Variants in SLCO5A1 observed in about 807,000 individuals in gnomAD.
SLCO5A1 encodes the protein solute carrier organic anion transporter family member 5A1.
A neutral mutation model predicts 65.1 loss-of-function variants in SLCO5A1; 39 were observed. The ratio of observed to expected loss-of-function variants is 0.60; its 90% CI spans 0.46 to 0.78. The LOEUF (loss-of-function observed/expected upper bound fraction) is 0.78, where lower values mean the gene tolerates loss of function less well. Among genes scored for constraint, SLCO5A1 ranks in the 30% least tolerant of loss-of-function variants. The pLI is 0.00. For missense variants in SLCO5A1, 1,029 were observed against 1,069.4 expected, an observed-to-expected ratio of 0.96 and a Z score of 0.53; for synonymous variants, 438 against 415.7, an observed-to-expected ratio of 1.05 and a Z score of -0.65.
intron 2 of SLCO5A1, among the ~76,000 whole-genome samples, chr8:69,775,391 C>T (rs1227324670): frequency 6.6e-6 from 1 of 152,088 alleles, no homozygotes; most frequent in Non-Finnish European, 1.5e-5. Context: ...TTTAAAACAA[C>T]AGATTGGCAC....
chr8:69,673,104 C>G lies in SLCO5A1; in HGVS notation c.2312G>C (p.Arg771Thr). The G allele has an allele frequency of 6.2e-7, 1 of 1,614,236 alleles. No individual in the cohort carries two copies. The highest frequency in any genetic ancestry group is 1.1e-5 in the South Asian group (1 of 91,088). Residue 771 changes from arginine (R) to threonine (T), a missense_variant, in exon 10 of 10, where the codon AGG becomes ACG. Arg to Thr is a moderately conservative substitution (Grantham distance 71). This residue lies in a region of SLCO5A1 where 258 missense variants were observed against 237.4 expected (regional missense o/e 1.09). Coordinates refer to ENST00000260126, the MANE Select transcript of SLCO5A1 (RefSeq NM_030958.3). ...GGTGCTCAGGGGAAATTCTCTCTGC[C>G]TCCGCCTCTGCAGTCCATCCTCCTT... ...KYKEDGLQRR[R>T]QREFPLSTVS...
intron 4 of SLCO5A1, among the ~76,000 whole-genome samples, chr8:69,740,868 T>C (rs1275759633): frequency 6.6e-6 from 1 of 152,198 alleles, no homozygotes; most frequent in Non-Finnish European, 1.5e-5. Context: ...AGCAAAAATC[T>C]AATAGGAATG....
At chr8:69,701,357 T>C (rs1248373191) in intron 6 of SLCO5A1, among the ~76,000 whole-genome samples, 20 of 152,186 alleles carry the variant, frequency 1.3e-4, no homozygotes. Context: ...CTATTTAAAA[T>C]TTAACCTGAG....
intron 4 of SLCO5A1, among the ~76,000 whole-genome samples, chr8:69,749,238 C>T (rs1817169317): frequency 6.6e-6 from 1 of 152,170 alleles, no homozygotes; most frequent in African/African-American, 2.4e-5. Flanking sequence ...CAACTAGTTC[C>T]TCTCCCCATT....
intron 4 of SLCO5A1, among the ~76,000 whole-genome samples, chr8:69,744,716 T>A (rs1210128987): frequency 2.6e-5 from 4 of 152,222 alleles, no homozygotes; most frequent in African/African-American, 9.6e-5. Flanking sequence ...CTTTATTATA[T>A]CACTGCAATA....
chr8:69,784,448 T>G (rs2130885436), intron 2 of SLCO5A1, among the ~76,000 whole-genome samples: 1 of 152,212 alleles, frequency 6.6e-6, no homozygotes, highest in East Asian at 1.9e-4. Flanking sequence ...TGGGAATGCA[T>G]AAAAGTACAG....
intron 6 of SLCO5A1, among the ~76,000 whole-genome samples, chr8:69,694,673 G>A (rs1031907461): frequency 5.3e-5 from 8 of 152,158 alleles, no homozygotes; most frequent in African/African-American, 1.9e-4. Context: ...CGCCTATACA[G>A]CCGCACCACC....
At chr8:69,709,379 T>A (rs932983862) in intron 5 of SLCO5A1, among the ~76,000 whole-genome samples, 1 of 152,238 alleles carries the variant, frequency 6.6e-6, no homozygotes, top group Non-Finnish European at 1.5e-5. Context: ...ATAGCACAGA[T>A]AATCAACTTA....
At chr8:69,772,384 G>T (rs1305012532) in intron 2 of SLCO5A1, among the ~76,000 whole-genome samples, 1 of 151,832 alleles carries the variant, frequency 6.6e-6, no homozygotes, top group Non-Finnish European at 1.5e-5. Flanking sequence ...TTAGACAGGT[G>T]TGGTGGCACA....
rs183061011 is a variant in SLCO5A1 at position 69,673,095 on chromosome 8, T to C, written c.2321A>G (p.Glu774Gly). Residue 774 changes from glutamate (E) to glycine (G), a missense_variant, in exon 10 of 10, where the codon GAA (glutamate) becomes GGA (glycine). By Grantham distance (98) the Glu-to-Gly change is moderately conservative. Coordinates refer to ENST00000260126, the MANE Select transcript of SLCO5A1 (RefSeq NM_030958.3). The part of the protein sequence containing the change: ...EDGLQRRRQR[E>G]FPLSTVSERV... ...CTCACTCACGGTGCTCAGGGGAAAT[T>C]CTCTCTGCCTCCGCCTCTGCAGTCC... The C allele has an allele frequency of 9.4e-5, 151 of 1,614,230 alleles. No homozygotes were observed. In the African/African-American group the frequency reaches 1.4e-3, roughly 15 times the overall value.
intron 2 of SLCO5A1, among the ~76,000 whole-genome samples, chr8:69,798,305 T>C (rs1260273178): frequency 1.3e-5 from 2 of 152,168 alleles, no homozygotes; most frequent in African/African-American, 2.4e-5. Flanking sequence ...GGTCCTTTCT[T>C]GCACTGCTCT....
chr8:69,803,256 A>G (rs1819835714), intron 2 of SLCO5A1, among the ~76,000 whole-genome samples: 1 of 152,080 alleles, frequency 6.6e-6, no homozygotes. Context: ...TCTCTACTAA[A>G]AATACAAAAA....
chr8:69,792,757 A>G (rs1339693475), intron 2 of SLCO5A1, among the ~76,000 whole-genome samples: 1 of 152,162 alleles, frequency 6.6e-6, no homozygotes, highest in African/African-American at 2.4e-5. Context: ...GGGAAAAAAT[A>G]TCATTAATGA....
chr8:69,708,197 G>T lies in SLCO5A1; in HGVS notation c.1424-2968C>A, dbSNP rs542722658. ...AATGTCGGAAGCAGGAAAAACTTGG[G>T]CTTTGGATTCAGAAAGACTGGAGTT... On this transcript the variant is annotated intron_variant, in intron 5 of 9. Coordinates refer to ENST00000260126, the MANE Select transcript of SLCO5A1 (RefSeq NM_030958.3). 2.5e-4 allele frequency among the ~76,000 whole-genome samples: 38 copies of T among 152,268 alleles called. 1 individual carries two copies. In the Middle Eastern group the frequency reaches 0.027, roughly 109 times the overall value.
chr8:69,828,836 G>A (rs934269729), intron 2 of SLCO5A1, among the ~76,000 whole-genome samples: 2 of 152,152 alleles, frequency 1.3e-5, no homozygotes, highest in Non-Finnish European at 2.9e-5. Flanking sequence ...TCTTCTGGAT[G>A]GGCAACCACT....
At chr8:69,680,708 G>A (rs572708532) in intron 7 of SLCO5A1, among the ~76,000 whole-genome samples, 1 of 152,304 alleles carries the variant, frequency 6.6e-6, no homozygotes, top group African/African-American at 2.4e-5. Context: ...TCTCCAAACT[G>A]CTTTCCACGG....
At position 69,679,363 on chromosome 8, in the gene SLCO5A1, G is replaced by T; in HGVS notation, c.2024+15C>A. On this transcript the variant is annotated intron_variant, in intron 8 of 9. Coordinates refer to ENST00000260126, the MANE Select transcript of SLCO5A1 (RefSeq NM_030958.3). ...AAGTACAGAACCCACCCCAGAAGTTGAATGCTGTTCTCACCTGAGTGTTAC... is the reference window on the plus strand; with the variant it reads ...AAGTACAGAACCCACCCCAGAAGTTTAATGCTGTTCTCACCTGAGTGTTAC... 6.2e-7 allele frequency: 1 copy of T among 1,613,962 alleles called. No individual in the cohort carries two copies.
intron 6 of SLCO5A1, among the ~76,000 whole-genome samples, chr8:69,698,760 G>A (rs1268877792): frequency 6.6e-6 from 1 of 152,186 alleles, no homozygotes; most frequent in Non-Finnish European, 1.5e-5. Context: ...CAATGTGAAA[G>A]AACAAAGATG....
Position 69,737,887 on chromosome 8 carries a change from T to G in SLCO5A1, c.1423+153A>C, listed in dbSNP as rs146608628. On this transcript the variant is annotated intron_variant, in intron 5 of 9. Coordinates refer to ENST00000260126, the MANE Select transcript of SLCO5A1 (RefSeq NM_030958.3). Reference sequence around the variant, plus strand: ...ACAATCTGAATCAAAGAGAACACTTTCCAGGATTTCCTCCTCCTAAAATCT... The same window carrying G: ...ACAATCTGAATCAAAGAGAACACTTGCCAGGATTTCCTCCTCCTAAAATCT... 1.4e-4 allele frequency among the ~76,000 whole-genome samples: 22 copies of G among 152,310 alleles called. No individual in the cohort carries two copies. In the East Asian group the frequency reaches 3.7e-3, roughly 25 times the overall value.
Sources: allele counts gnomAD v4.1 joint callset (sites outside exome capture counted in the v4.1 genomes callset), GRCh38; gene constraint gnomAD v4.1.1; regional missense constraint gnomAD v4.1.1; transcripts MANE v1.5; gene names NCBI Gene and HGNC (gene_info 2026-07-23, HGNC 2026-07-21).